The following GALNT4 variants were observed in gnomAD, a reference collection of about 807,000 sequenced individuals.
The protein encoded by GALNT4 is UDP-GalNAc:polypeptide N-acetylgalactosaminyltransferase 4.
Under a neutral mutation model 45.1 loss-of-function variants are expected in GALNT4, and 23 were observed. That is an observed-to-expected ratio of 0.51 (90% CI 0.37 to 0.72). The LOEUF (loss-of-function observed/expected upper bound fraction) is 0.72, where lower values mean the gene tolerates loss of function less well. Ranked by LOEUF, GALNT4 falls within the 30% of genes least tolerant of loss-of-function variation. The pLI is 0.00. For synonymous variants in GALNT4, 264 were observed against 257.6 expected, an observed-to-expected ratio of 1.02 and a Z score of -0.24; for missense variants, 757 against 709.0, an observed-to-expected ratio of 1.07 and a Z score of -0.77.
Position 89,522,673 on chromosome 12 carries a change from T to C in GALNT4, c.*140A>G, listed in dbSNP as rs1407841581. 2 of 1,128,104 alleles carry C rather than the reference T, an allele frequency of 1.8e-6. No individual in the cohort carries two copies. Among genetic ancestry groups the C allele is most frequent in the Admixed American group, 6.4e-5 (2 of 31,036 alleles). 69.9% of individuals were successfully genotyped at this position (1,128,104 alleles called of 1,614,324 possible). A position where few individuals can be genotyped will look rare whatever the true frequency, so the allele number is the denominator to read the frequency against. On this transcript the variant is annotated 3_prime_UTR_variant, in exon 1 of 1. Transcript: ENST00000529983. The stretch of plus-strand genomic sequence containing the variant: ...CCAGTTTCAGTGTGATATACCAAAA[T>C]GAACCCCAGCTTTCCAGTGCTCCAC...
At position 89,523,741 on chromosome 12, in the gene GALNT4, A is replaced by G. The variant is rs2230281; in HGVS notation, c.809T>C (p.Ile270Thr). The G allele has an allele frequency of 0.72, 1,111,940 of 1,543,748 alleles. 401,808 individuals are homozygous for G. Among genetic ancestry groups the G allele is most frequent in the Middle Eastern group, 0.82 (4,660 of 5,690 alleles). Residue 270 changes from isoleucine (I) to threonine (T), a missense_variant, in exon 1 of 1, where the codon ATA becomes ACA. Transcript: ENST00000529983. Reference protein sequence around the residue: ...DWNTFEFYMQIGEPMIGGFDW... With the variant: ...DWNTFEFYMQTGEPMIGGFDW... ...AAACCCACCAATCATGGGCTCCCCT[A>G]TCTGCATATAGAATTCAAAAGTATT...
At position 89,524,701 on chromosome 12, in the gene GALNT4, G is replaced by C; in HGVS notation, c.-152C>G. On this transcript the variant is annotated 5_prime_UTR_variant, in exon 1 of 1. Coordinates refer to ENST00000529983, the MANE Select transcript of GALNT4 (RefSeq NM_003774.5). ...CCTTTCCAGCCACCCAGGCTTTCCAGGGGTCACCTGAGCCCTCTCGGTCCT... is the reference window on the plus strand; with the variant it reads ...CCTTTCCAGCCACCCAGGCTTTCCACGGGTCACCTGAGCCCTCTCGGTCCT... 1.3e-6 allele frequency: 1 copy of C among 793,438 alleles called. No individual in the cohort carries two copies. The highest frequency in any genetic ancestry group is 2.0e-6 in the Non-Finnish European group (1 of 497,078). The allele number at this position is 793,438 out of a possible 1,614,324, so 49.1% of individuals were successfully genotyped here.
Position 89,523,895 on chromosome 12 carries a change from T to C in GALNT4, c.655A>G (p.Thr219Ala). 1 of 1,584,558 alleles carries C rather than the reference T, an allele frequency of 6.3e-7. No homozygotes were observed. The highest frequency in any genetic ancestry group is 8.6e-7 in the Non-Finnish European group (1 of 1,168,872). The stretch of plus-strand genomic sequence containing the variant: ...TCCAGGAAAGTGAGGACGTCCCCAG[T>C]GGCGAAAGTGGCCCCAATCAGACGG... ...RARLIGATFA[T>A]GDVLTFLDCH... Residue 219 changes from threonine (T) to alanine (A), a missense_variant, in exon 1 of 1, where the codon ACT becomes GCT. Transcript: ENST00000529983.
rs201411448 is a variant in GALNT4, at chr12:89,521,098, A to ATTTTTTTTTT, written c.*1714_*1715insAAAAAAAAAA. ...CACTTCAGGTGAGTTCAGCTCACTT[A>ATTTTTTTTTT]TTTTATTATTATTTTTTTTTTTTGA... On this transcript the variant is annotated 3_prime_UTR_variant, in exon 1 of 1. Coordinates refer to ENST00000529983, the MANE Select transcript of GALNT4 (RefSeq NM_003774.5). The ATTTTTTTTTT allele has an allele frequency of 8.8e-6, 1 of 113,250 alleles. No individual in the cohort carries two copies. The highest frequency in any genetic ancestry group is 3.5e-5 in the African/African-American group (1 of 28,636). The allele number at this position is 113,250 out of a possible 1,614,324, so 7.0% of individuals were successfully genotyped here. A position where few individuals can be genotyped will look rare whatever the true frequency, so the allele number is the denominator to read the frequency against.
rs1352502558 is a variant in GALNT4 at position 89,522,099 on chromosome 12, G to A, written c.*714C>T. 1.5e-5 allele frequency: 6 copies of A among 398,940 alleles called. No individual in the cohort carries two copies. The South Asian group carries it at 7.6e-4, about 51-fold the overall frequency. The allele number at this position is 398,940 out of a possible 1,614,324, so 24.7% of individuals were successfully genotyped here. Reference sequence around the variant, plus strand: ...AGAGAAGACAGCTTACAAAATCAGAGGAATCTGAGGTATTAATATATACAT... The same window carrying A: ...AGAGAAGACAGCTTACAAAATCAGAAGAATCTGAGGTATTAATATATACAT... On this transcript the variant is annotated 3_prime_UTR_variant, in exon 1 of 1. Coordinates refer to ENST00000529983, the MANE Select transcript of GALNT4 (RefSeq NM_003774.5).
In GALNT4 at chr12:89,522,682, G is replaced by C; in HGVS notation, c.*131C>G. On this transcript the variant is annotated 3_prime_UTR_variant, in exon 1 of 1. Coordinates refer to ENST00000529983, the MANE Select transcript of GALNT4 (RefSeq NM_003774.5). ...GTGTGATATACCAAAATGAACCCCA[G>C]CTTTCCAGTGCTCCACAGATGACTG... is the stretch of plus-strand genomic sequence containing the variant. 8.2e-7 allele frequency: 1 copy of C among 1,223,566 alleles called. No homozygotes were observed. The highest frequency in any genetic ancestry group is 2.0e-5 in the South Asian group (1 of 50,800). 75.8% of individuals were successfully genotyped at this position (1,223,566 alleles called of 1,614,324 possible).
In GALNT4 at chr12:89,524,366, G is replaced by A. The variant is rs748695037; in HGVS notation, c.184C>T (p.Pro62Ser). The change falls in exon 1 of 1, where the codon CCG (proline) becomes TCG (serine). Residue 62 changes from proline (P) to serine (S), a missense_variant. Coordinates refer to ENST00000529983, the MANE Select transcript of GALNT4 (RefSeq NM_003774.5). ...TCTGCAGGGGGCTTCTTATAAAGCGGTCGAGACAAATCCTCCGTATTTTTC... is the reference window on the plus strand; with the variant it reads ...TCTGCAGGGGGCTTCTTATAAAGCGATCGAGACAAATCCTCCGTATTTTTC... ...LQKNTEDLSRPLYKKPPADSR... is the reference protein window; with the variant it reads ...LQKNTEDLSRSLYKKPPADSR... The A allele has an allele frequency of 6.8e-6, 11 of 1,613,898 alleles. No homozygotes were observed. Among genetic ancestry groups the A allele is most frequent in the Middle Eastern group, 3.3e-4 (2 of 6,084 alleles).
Position 89,523,508 on chromosome 12 carries a change from A to G in GALNT4, c.1042T>C (p.Cys348Arg). ...GGGTGGATCTCCAATTTGCCACCAC[A>G]CTGCCACACCCTAAAAGACAGCTCA... The part of the protein sequence containing the change: ...NLELSFRVWQ[C>R]GGKLEIHPCS... Residue 348 changes from cysteine to arginine, a missense_variant, in exon 1 of 1, where the codon TGT becomes CGT. By Grantham distance (180) the Cys-to-Arg change is radical. Transcript: ENST00000529983. 1 of 1,611,590 alleles carries G rather than the reference A, an allele frequency of 6.2e-7. No homozygotes were observed. The highest frequency in any genetic ancestry group is 8.5e-7 in the Non-Finnish European group (1 of 1,178,822).
At position 89,522,050 on chromosome 12, in the gene GALNT4, C is replaced by G. The variant is rs1870927422; in HGVS notation, c.*763G>C. On this transcript the variant is annotated 3_prime_UTR_variant, in exon 1 of 1. Transcript: ENST00000529983. ...CTTAAGGAAGTGCAATCAGAAAATG[C>G]CCTACACACACAAACACGTTCACAG... 5.0e-6 allele frequency: 2 copies of G among 398,862 alleles called. No homozygotes were observed. Among genetic ancestry groups the G allele is most frequent in the African/African-American group, 4.1e-5 (2 of 48,604 alleles). The allele number at this position is 398,862 out of a possible 1,614,324, so 24.7% of individuals were successfully genotyped here. A position where few individuals can be genotyped will look rare whatever the true frequency, so the allele number is the denominator to read the frequency against.
Position 89,524,544 on chromosome 12 carries a change from C to G in GALNT4, c.6G>C (p.Ala2=). 1.2e-6 allele frequency: 2 copies of G among 1,611,222 alleles called. No individual in the cohort carries two copies. The highest frequency in any genetic ancestry group is 1.7e-6 in the Non-Finnish European group (2 of 1,179,874). M[A]VRWTWAGKSC... ...TCTTGCCTGCCCAAGTCCACCTCACCGCCATCCGGATTCTCAGGGCTGAGG... is the reference window on the plus strand; with the variant it reads ...TCTTGCCTGCCCAAGTCCACCTCACGGCCATCCGGATTCTCAGGGCTGAGG... The change falls in exon 1 of 1, where the codon GCG becomes GCC. Residue 2 remains alanine (A), a synonymous_variant. Coordinates refer to ENST00000529983, the MANE Select transcript of GALNT4 (RefSeq NM_003774.5).
In GALNT4 at chr12:89,524,172, G is replaced by A; in HGVS notation, c.378C>T (p.Ser126=). The A allele has an allele frequency of 6.2e-7, 1 of 1,613,942 alleles. No homozygotes were observed. The highest frequency in any genetic ancestry group is 1.7e-5 in the Admixed American group (1 of 60,016). ...GAAGTGTCCTATAGTTGAACTTCTG[G>A]GACTTACACTCATACATTCTTTTAT... The part of the protein sequence containing the change: ...IEDKRMYECK[S]QKFNYRTLPT... Residue 126 remains serine, a synonymous_variant, in exon 1 of 1, where the codon TCC becomes TCT. Transcript: ENST00000529983.
At position 89,524,368 on chromosome 12, in the gene GALNT4, C is replaced by A; in HGVS notation, c.182G>T (p.Arg61Leu). 6.2e-7 allele frequency: 1 copy of A among 1,613,964 alleles called. No homozygotes were observed. Among genetic ancestry groups the A allele is most frequent in the Non-Finnish European group, 8.5e-7 (1 of 1,179,892 alleles). Reference sequence around the variant, plus strand: ...TGCAGGGGGCTTCTTATAAAGCGGTCGAGACAAATCCTCCGTATTTTTCTG... The same window carrying A: ...TGCAGGGGGCTTCTTATAAAGCGGTAGAGACAAATCCTCCGTATTTTTCTG... ...DLQKNTEDLS[R>L]PLYKKPPADS... The change falls in exon 1 of 1, where the codon CGA (arginine) becomes CTA (leucine). Residue 61 changes from arginine to leucine, a missense_variant. Transcript: ENST00000529983.
chr12:89,523,418 T>G lies in GALNT4; in HGVS notation c.1132A>C (p.Asn378His), dbSNP rs369108571. Residue 378 changes from asparagine (N) to histidine (H), a missense_variant, in exon 1 of 1, where the codon AAT (asparagine) becomes CAT (histidine). By Grantham distance (68) the Asn-to-His change is moderately conservative. Coordinates refer to ENST00000529983, the MANE Select transcript of GALNT4 (RefSeq NM_003774.5). The stretch of plus-strand genomic sequence containing the variant: ...CAAACTTCTGCTGCCCGAGCAGTAT[T>G]CTGTAGGAAATTGGGGCGAGCATAT... Reference protein sequence around the residue: ...APYARPNFLQNTARAAEVWMD... With the variant: ...APYARPNFLQHTARAAEVWMD... The G allele has an allele frequency of 5.3e-5, 86 of 1,613,938 alleles. No individual in the cohort carries two copies. Among genetic ancestry groups the G allele is most frequent in the Non-Finnish European group, 7.0e-5 (83 of 1,179,918 alleles).
rs1428102923 is a variant in GALNT4, at chr12:89,524,655, C to T, written c.-106G>A. On this transcript the variant is annotated 5_prime_UTR_variant, in exon 1 of 1. Transcript: ENST00000529983. ...TCAGGTACTTCCCAGCAGGTTCTTC[C>T]TTTCATGCAGGCGCTAGGCTCCTTT... The T allele has an allele frequency of 8.2e-6, 10 of 1,215,798 alleles. No homozygotes were observed. The highest frequency in any genetic ancestry group is 1.4e-5 in the South Asian group (1 of 70,254). The allele number at this position is 1,215,798 out of a possible 1,614,324, so 75.3% of individuals were successfully genotyped here.
In GALNT4 at chr12:89,524,316, C is replaced by T. The variant is rs1871215690; in HGVS notation, c.234G>A (p.Gly78=). 3.7e-6 allele frequency: 6 copies of T among 1,614,004 alleles called. No individual in the cohort carries two copies. Among genetic ancestry groups the T allele is most frequent in the African/African-American group, 1.3e-5 (1 of 75,040 alleles). The change falls in exon 1 of 1, where the codon GGG becomes GGA. Residue 78 remains glycine, a synonymous_variant. Transcript: ENST00000529983. ...CGTTGAGCTGGAGTTTGCTGGCTTTCCCCCACTCCCCAAGTGCACGGGAAT... is the reference window on the plus strand; with the variant it reads ...CGTTGAGCTGGAGTTTGCTGGCTTTTCCCCACTCCCCAAGTGCACGGGAAT... ...PADSRALGEW[G]KASKLQLNED... is the part of the protein sequence containing the mutation.
In GALNT4 at chr12:89,523,031, G is replaced by A. The variant is rs1434592385; in HGVS notation, c.1519C>T (p.Pro507Ser). ...NSVTELCAEV[P>S]EQKNYVGMQN... ...ATTCCCACATAATTTTTTTGCTCAG[G>A]TACCTCTGCACATAACTCTGTCACA... The change falls in exon 1 of 1, where the codon CCT becomes TCT. Residue 507 changes from proline (P) to serine (S), a missense_variant. By Grantham distance (74) the Pro-to-Ser change is moderately conservative (BLOSUM62 -1). Transcript: ENST00000529983. 2 of 1,613,602 alleles carry A rather than the reference G, an allele frequency of 1.2e-6. No homozygotes were observed. Among genetic ancestry groups the A allele is most frequent in the African/African-American group, 1.3e-5 (1 of 74,884 alleles).
At position 89,524,351 on chromosome 12, in the gene GALNT4, G is replaced by T; in HGVS notation, c.199C>A (p.Pro67Thr). 6.2e-7 allele frequency: 1 copy of T among 1,614,004 alleles called. No individual in the cohort carries two copies. Among genetic ancestry groups the T allele is most frequent in the Non-Finnish European group, 8.5e-7 (1 of 1,179,896 alleles). ...EDLSRPLYKKPPADSRALGEW... is the reference protein window; with the variant it reads ...EDLSRPLYKKTPADSRALGEW... ...CCAAGTGCACGGGAATCTGCAGGGGGCTTCTTATAAAGCGGTCGAGACAAA... is the reference window on the plus strand; with the variant it reads ...CCAAGTGCACGGGAATCTGCAGGGGTCTTCTTATAAAGCGGTCGAGACAAA... The change falls in exon 1 of 1, where the codon CCC becomes ACC. Residue 67 changes from proline to threonine, a missense_variant. Coordinates refer to ENST00000529983, the MANE Select transcript of GALNT4 (RefSeq NM_003774.5).
chr12:89,522,281 T>G lies in GALNT4; in HGVS notation c.*532A>C. On this transcript the variant is annotated 3_prime_UTR_variant, in exon 1 of 1. Transcript: ENST00000529983. ...ACACATATCTCTAAAACCAGGCCTT[T>G]TGCCTTAAGCTCAATTTTCTTTTTG... The G allele has an allele frequency of 2.5e-6, 1 of 397,872 alleles. No individual in the cohort carries two copies. Among genetic ancestry groups the G allele is most frequent in the South Asian group, 1.4e-4 (1 of 7,308 alleles). The allele number at this position is 397,872 out of a possible 1,614,324, so 24.6% of individuals were successfully genotyped here. A position where few individuals can be genotyped will look rare whatever the true frequency, so the allele number is the denominator to read the frequency against.
In GALNT4 at chr12:89,522,744, C is replaced by T. The variant is rs1870989261; in HGVS notation, c.*69G>A. ...TTGATAAAATAAAATACAATCTTCA[C>T]TGAGGCTCTTAAGGCTCTTTGACTT... On this transcript the variant is annotated 3_prime_UTR_variant, in exon 1 of 1. Coordinates refer to ENST00000529983, the MANE Select transcript of GALNT4 (RefSeq NM_003774.5). 6 of 1,504,780 alleles carry T rather than the reference C, an allele frequency of 4.0e-6. No homozygotes were observed. The highest frequency in any genetic ancestry group is 5.3e-6 in the Non-Finnish European group (6 of 1,128,926). The allele number at this position is 1,504,780 out of a possible 1,614,324, so 93.2% of individuals were successfully genotyped here.
Sources: allele counts gnomAD v4.1 joint callset, GRCh38; gene constraint gnomAD v4.1.1; transcripts MANE v1.5; gene names NCBI Gene and HGNC (gene_info 2026-07-23, HGNC 2026-07-21).